Variants in NUP205 observed in about 807,000 individuals in gnomAD.
The protein encoded by NUP205 is nucleoporin 205.
NUP205 carries 76 observed loss-of-function variants against 253.8 expected under a neutral mutation model. The ratio of observed to expected loss-of-function variants is 0.30; its 90% CI spans 0.25 to 0.36. The LOEUF is 0.36. NUP205 is among the 10% of genes least tolerant of loss of function. The pLI is 1.00. For missense variants in NUP205, 2,162 were observed against 2,425.5 expected, an observed-to-expected ratio of 0.89 and a Z score of 2.28; for synonymous variants, 832 against 850.1, an observed-to-expected ratio of 0.98 and a Z score of 0.37.
In NUP205 at chr7:135,618,474, A is replaced by G; in HGVS notation, c.3834A>G (p.Ala1278=). The change falls in exon 28 of 43, where the codon GCA becomes GCG. Residue 1278 remains alanine, a synonymous_variant. Coordinates refer to ENST00000285968, the MANE Select transcript of NUP205 (RefSeq NM_015135.3). The part of the protein sequence containing the change: ...GRNKLLQCLH[A]KRHALESWRQ... ...ATAAATTGCTGCAGTGTCTTCATGC[A>G]AAACGTCATGCTCTGGAGTCGTGGA... is the stretch of plus-strand genomic sequence containing the variant. 2 of 1,614,148 alleles carry G rather than the reference A, an allele frequency of 1.2e-6. No individual in the cohort carries two copies. The highest frequency in any genetic ancestry group is 1.7e-6 in the Non-Finnish European group (2 of 1,180,004).
intron 35 of NUP205, among the ~76,000 whole-genome samples, chr7:135,634,108 T>C (rs1276969675): frequency 6.6e-6 from 1 of 152,160 alleles, no homozygotes; most frequent in East Asian, 1.9e-4. Context: ...TTTAATTTCA[T>C]TTTTTCAGAT....
intron 31 of NUP205, 65 bp downstream of exon 31, chr7:135,622,990 A>G: frequency 6.6e-7 from 1 of 1,525,080 alleles, no homozygotes. Context: ...GTATAAACTG[A>G]TTCACGGCTG....
intron 1 of NUP205, among the ~76,000 whole-genome samples, chr7:135,560,632 G>A (rs188268250): frequency 1.3e-5 from 2 of 152,264 alleles, no homozygotes; most frequent in African/African-American, 4.8e-5. Flanking sequence ...CATATATATA[G>A]TATCCTTATG....
chr7:135,565,093 T>C (rs1388642602), intron 1 of NUP205, among the ~76,000 whole-genome samples: 2 of 152,140 alleles, frequency 1.3e-5, no homozygotes, highest in African/African-American at 4.8e-5. Context: ...GATCTTTAAT[T>C]GGATGCCTAC....
In NUP205 at chr7:135,646,076, T is replaced by C. The variant is rs894988914; in HGVS notation, c.5813-82T>C. On this transcript the variant is annotated intron_variant, in intron 41 of 42. Transcript: ENST00000285968. ...CGTGTTTTTCATGGTGCTATTGTTA[T>C]TATTCATTGTCATCAGGTTCCTCCA... The C allele has an allele frequency of 4.6e-6, 4 of 878,746 alleles. No homozygotes were observed. The African/African-American group carries it at 5.0e-5, about 11-fold the overall frequency. The allele number at this position is 878,746 out of a possible 1,614,324, so 54.4% of individuals were successfully genotyped here.
chr7:135,618,535 C>G lies in NUP205; in HGVS notation c.3895C>G (p.Gln1299Glu), dbSNP rs1240175885. The change falls in exon 28 of 43, where the codon CAG becomes GAG. Residue 1299 changes from glutamine (Q) to glutamate (E), a missense_variant. Physicochemically the swap from Gln to Glu is conservative, Grantham distance 29. Coordinates refer to ENST00000285968, the MANE Select transcript of NUP205 (RefSeq NM_015135.3). ...AGAAATTATACTGACAGCTTGTCCC[C>G]AGGACCTCATTCAGGCAGAGGATCG... ...LVEIILTACP[Q>E]DLIQAEDRQL... The G allele has an allele frequency of 6.2e-7, 1 of 1,613,682 alleles. No homozygotes were observed. Among genetic ancestry groups the G allele is most frequent in the African/African-American group, 1.3e-5 (1 of 74,900 alleles).
chr7:135,627,176 C>T (rs1328763942), intron 33 of NUP205, among the ~76,000 whole-genome samples: 1 of 152,012 alleles, frequency 6.6e-6, no homozygotes, highest in African/African-American at 2.4e-5. Flanking sequence ...TGCTTTCGTT[C>T]CCCCTCAATA....
intron 3 of NUP205, among the ~76,000 whole-genome samples, chr7:135,575,958 G>C (rs1034796196): frequency 6.6e-6 from 1 of 152,162 alleles, no homozygotes; most frequent in African/African-American, 2.4e-5. Context: ...AAATTTAGTG[G>C]ACAACAGTGA....
chr7:135,591,197 C>T (rs190739788), intron 10 of NUP205, among the ~76,000 whole-genome samples: 1 of 152,056 alleles, frequency 6.6e-6, no homozygotes, highest in African/African-American at 2.4e-5. Context: ...TCTGAGTGGT[C>T]TTATATTTTG....
chr7:135,567,327 C>T (rs1257264564), intron 1 of NUP205, among the ~76,000 whole-genome samples: 1 of 145,750 alleles, frequency 6.9e-6, no homozygotes. Context: ...TCATGCCTTT[C>T]ATCCCAGCAC....
chr7:135,604,626 A>G (rs1289167182), intron 19 of NUP205, among the ~76,000 whole-genome samples, 166 bp downstream of exon 19: 1 of 152,244 alleles, frequency 6.6e-6, no homozygotes, highest in Non-Finnish European at 1.5e-5. Flanking sequence ...GAACTTGGCT[A>G]TGACTTATCT....
intron 2 of NUP205, among the ~76,000 whole-genome samples, chr7:135,572,519 T>C (rs924089062): frequency 5.3e-5 from 8 of 152,218 alleles, no homozygotes; most frequent in Non-Finnish European, 1.2e-4. Flanking sequence ...TGGAGGGGAT[T>C]CAAACTTGGA....
chr7:135,601,585 A>G, intron 17 of NUP205, 78 bp downstream of exon 17: 3 of 1,459,424 alleles, frequency 2.1e-6, no homozygotes, highest in Non-Finnish European at 9.3e-7. Flanking sequence ...TTTGAAATAG[A>G]TGATCTCTGA....
At chr7:135,577,580 A>G (rs527724973) in intron 5 of NUP205, among the ~76,000 whole-genome samples, 1 of 152,352 alleles carries the variant, frequency 6.6e-6, no homozygotes, top group East Asian at 1.9e-4. Context: ...TTTTTATGAA[A>G]TGAACAAGAA....
chr7:135,642,858 G>GTA (rs1794940229), intron 38 of NUP205, among the ~76,000 whole-genome samples: 1 of 115,502 alleles, frequency 8.7e-6, no homozygotes, highest in African/African-American at 2.8e-5. Context: ...GTGTGTGTGT[G>GTA]TGTGTGTGTG....
chr7:135,588,668 G>A lies in NUP205; in HGVS notation c.1473+676G>A, dbSNP rs560549901. Among the ~76,000 whole-genome samples, 4 of 151,110 alleles carry A rather than the reference G, an allele frequency of 2.6e-5. No homozygotes were observed. In the East Asian group the frequency reaches 7.7e-4, roughly 29 times the overall value. ...GGCTTCATTCAGCCTTCCCAAAGCAGTGGGATTACAGGCATGAGCACTGTG... is the reference window on the plus strand; with the variant it reads ...GGCTTCATTCAGCCTTCCCAAAGCAATGGGATTACAGGCATGAGCACTGTG... On this transcript the variant is annotated intron_variant, in intron 10 of 42. Transcript: ENST00000285968.
In NUP205 at chr7:135,641,810, CAAGA is replaced by C. The variant is rs562929537; in HGVS notation, c.5393-1371_5393-1368del. Among the ~76,000 whole-genome samples the C allele has an allele frequency of 1.3e-4, 19 of 150,884 alleles. No individual in the cohort carries two copies. The East Asian group carries it at 3.7e-3, about 29-fold the overall frequency. On this transcript the variant is annotated intron_variant, in intron 38 of 42. Transcript: ENST00000285968. ...GTAAGAAACCTGTCTCAAAAAAAAACAAGAAAGAAAGAAAAAGATCTATGAGTCA... is the reference window on the plus strand; with the variant it reads ...GTAAGAAACCTGTCTCAAAAAAAAACAAGAAAGAAAAAGATCTATGAGTCA...
At chr7:135,631,069 G>T (rs79100776) in intron 35 of NUP205, among the ~76,000 whole-genome samples, 2 of 151,134 alleles carry the variant, frequency 1.3e-5, no homozygotes, top group Non-Finnish European at 2.9e-5. Context: ...TTATGTGTAC[G>T]TACATATGAG....
intron 42 of NUP205, among the ~76,000 whole-genome samples, chr7:135,647,155 T>C (rs1795027933): frequency 1.3e-5 from 2 of 152,232 alleles, no homozygotes; most frequent in South Asian, 4.1e-4. Context: ...AGCAAAGTTA[T>C]GTTTCTAACA....
Sources: allele counts gnomAD v4.1 joint callset (sites outside exome capture counted in the v4.1 genomes callset), GRCh38; gene constraint gnomAD v4.1.1; transcripts MANE v1.5; gene names NCBI Gene and HGNC (gene_info 2026-07-23, HGNC 2026-07-21).